SLC30A9: variants seen among roughly 807,000 people sequenced by gnomAD.
SLC30A9 encodes the protein solute carrier family 30 member 9, also known as proton-coupled zinc antiporter SLC30A9, mitochondrial.
A neutral mutation model predicts 87.5 loss-of-function variants in SLC30A9; 58 were observed. The ratio of observed to expected loss-of-function variants is 0.66; its 90% CI spans 0.54 to 0.82. The LOEUF (loss-of-function observed/expected upper bound fraction) is 0.82, where lower values mean the gene tolerates loss of function less well. Ranked by LOEUF, SLC30A9 falls within the 40% of genes least tolerant of loss-of-function variation. The pLI is 0.00. For synonymous variants in SLC30A9, 234 were observed against 233.0 expected (o/e 1.00, Z -0.04); for missense variants, 557 against 679.1 (o/e 0.82, Z 2.00).
chr4:42,021,891 T>A, intron 4 of SLC30A9, among the ~76,000 whole-genome samples: 1 of 32,026 alleles, frequency 3.1e-5, no homozygotes, highest in African/African-American at 4.3e-5. Context: ...ACTGGGACTA[T>A]GGCTGTGCGC....
At chr4:42,062,017 A>G (rs1158905129) in intron 10 of SLC30A9, among the ~76,000 whole-genome samples, 1 of 151,810 alleles carries the variant, frequency 6.6e-6, no homozygotes, top group African/African-American at 2.4e-5. Context: ...CAACGTGGAG[A>G]AGCCCCGTCT....
chr4:42,062,885 A>T, intron 10 of SLC30A9, 101 bp from the exon 11 acceptor site: 1 of 964,080 alleles, frequency 1.0e-6, no homozygotes, highest in Non-Finnish European at 1.5e-6. Context: ...AAATTATAAC[A>T]TCTTGATATT....
chr4:42,002,961 C>T (rs2581452), intron 2 of SLC30A9, among the ~76,000 whole-genome samples: 98,506 of 152,002 alleles, frequency 0.65, 36,050 homozygotes, highest in East Asian at 0.96. Flanking sequence ...GTCAGTTAGA[C>T]ACTTAGTTTA....
chr4:42,014,705 A>G (rs1240768929), intron 2 of SLC30A9, among the ~76,000 whole-genome samples: 1 of 152,244 alleles, frequency 6.6e-6, no homozygotes, highest in Admixed American at 6.5e-5. Flanking sequence ...TATATATACA[A>G]TGGAGTATTA....
intron 6 of SLC30A9, among the ~76,000 whole-genome samples, chr4:42,023,752 T>A (rs576003959): frequency 6.6e-6 from 1 of 152,250 alleles, no homozygotes; most frequent in South Asian, 2.1e-4. Flanking sequence ...CAAGACTGGG[T>A]AGTTTATAAA....
intron 3 of SLC30A9, among the ~76,000 whole-genome samples, chr4:42,020,177 A>G (rs1715887807): frequency 6.6e-6 from 1 of 152,214 alleles, no homozygotes; most frequent in Non-Finnish European, 1.5e-5. Context: ...TGTTCATTAG[A>G]CAAAGGTTGA....
chr4:42,021,917 A>ATTT lies in SLC30A9; in HGVS notation c.435-894_435-892dup, dbSNP rs1180421350. Among the ~76,000 whole-genome samples, 16 of 39,940 alleles carry ATTT rather than the reference A, an allele frequency of 4.0e-4. 2 individuals carry two copies. Among genetic ancestry groups the ATTT allele is most frequent in the African/African-American group, 6.5e-4 (10 of 15,458 alleles). The allele number at this position is 39,940 out of a possible 152,430, so 26.2% of individuals were successfully genotyped here. ...GGCTGTGCGCCACCACGCCTGGCTA[A>ATTT]TTTTTTTTTTTTTTTTTTTTTTTTT... On this transcript the variant is annotated intron_variant, in intron 4 of 17. Transcript: ENST00000264451.
rs111868274 is a variant in SLC30A9, at chr4:42,018,089, C to G, written c.275-22C>G. 2,358 of 1,378,198 alleles carry G rather than the reference C, an allele frequency of 1.7e-3. 36 individuals carry two copies. The African/African-American group carries it at 0.031, about 18-fold the overall frequency. 85.4% of individuals were successfully genotyped at this position (1,378,198 alleles called of 1,614,324 possible). A position where few individuals can be genotyped will look rare whatever the true frequency, so the allele number is the denominator to read the frequency against. On this transcript the variant is annotated intron_variant, in intron 2 of 17. Transcript: ENST00000264451. ...TATGAAAGCAGTTGTTTAATGTAAA[C>G]TTCTTTTAATAAACTTTACAGCAGA...
At chr4:42,010,993 G>A (rs1715417038) in intron 2 of SLC30A9, among the ~76,000 whole-genome samples, 1 of 152,108 alleles carries the variant, frequency 6.6e-6, no homozygotes, top group Non-Finnish European at 1.5e-5. Context: ...CACAGAAGGA[G>A]ACTGAAAATA....
chr4:42,036,264 A>G (rs187369301), intron 7 of SLC30A9, among the ~76,000 whole-genome samples: 1 of 152,024 alleles, frequency 6.6e-6, no homozygotes, highest in East Asian at 1.9e-4. Flanking sequence ...TCATAAAAGT[A>G]CCTCATCTTT....
In SLC30A9 at chr4:42,039,064, A is replaced by G. The variant is rs771588247; in HGVS notation, c.737+11A>G. Reference sequence around the variant, plus strand: ...GGTTGCAATTTGCATGTAAGTACTGAAAAATAAGCTTTGTGAAATAGAATA... The same window carrying G: ...GGTTGCAATTTGCATGTAAGTACTGGAAAATAAGCTTTGTGAAATAGAATA... On this transcript the variant is annotated intron_variant, in intron 8 of 17. Coordinates refer to ENST00000264451, the MANE Select transcript of SLC30A9 (RefSeq NM_006345.4). 3 of 1,584,670 alleles carry G rather than the reference A, an allele frequency of 1.9e-6. No individual in the cohort carries two copies. The highest frequency in any genetic ancestry group is 2.6e-6 in the Non-Finnish European group (3 of 1,153,662).
chr4:42,087,967 G>A lies in SLC30A9; in HGVS notation c.*1841G>A, dbSNP rs1482100272. ...TCCCAAGACGACCCTCAAAGTTAAT[G>A]TGCAGCAGGTATTCCAAATGGTAAT... On this transcript the variant is annotated 3_prime_UTR_variant, in exon 18 of 18. Transcript: ENST00000264451. 6.8e-6 allele frequency: 1 copy of A among 147,830 alleles called. No homozygotes were observed. The highest frequency in any genetic ancestry group is 1.5e-5 in the Non-Finnish European group (1 of 67,424). 9.2% of individuals were successfully genotyped at this position (147,830 alleles called of 1,614,324 possible).
Position 42,060,213 on chromosome 4 carries a change from G to A in SLC30A9, c.863G>A (p.Ser288Asn). The A allele has an allele frequency of 3.1e-6, 5 of 1,612,602 alleles. No individual in the cohort carries two copies. The highest frequency in any genetic ancestry group is 2.2e-5 in the South Asian group (2 of 91,034). Reference protein sequence around the residue: ...CNQGLLALGISKSVQTPDPSH... With the variant: ...CNQGLLALGINKSVQTPDPSH... ...TAGGGTTTACTAGCATTGGGCATCA[G>A]TAAGTCTGTTCAAACACCAGATCCT... The change falls in exon 10 of 18, where the codon AGT (serine) becomes AAT (asparagine). Residue 288 changes from serine (S) to asparagine (N), a missense_variant. Ser to Asn is a conservative substitution (Grantham distance 46). This residue lies in a region of SLC30A9 where 467 missense variants were observed against 529.8 expected (regional missense o/e 0.88). Transcript: ENST00000264451.
At chr4:42,033,477 C>A (rs752221626) in intron 6 of SLC30A9, among the ~76,000 whole-genome samples, 2 of 151,876 alleles carry the variant, frequency 1.3e-5, no homozygotes, top group Non-Finnish European at 2.9e-5. Flanking sequence ...ATTTTCCTTA[C>A]CAAAAATTTA....
intron 10 of SLC30A9, 119 bp from the exon 11 acceptor site, chr4:42,062,867 T>G: frequency 1.2e-6 from 1 of 865,364 alleles, no homozygotes; most frequent in East Asian, 2.7e-5. Context: ...ACATCTTACT[T>G]AAATATAAAA....
intron 1 of SLC30A9, among the ~76,000 whole-genome samples, chr4:41,998,092 G>C (rs556499084): frequency 2.6e-5 from 4 of 152,340 alleles, no homozygotes; most frequent in African/African-American, 9.6e-5. Flanking sequence ...ATGATGGCCA[G>C]ATTTTCTCTG....
chr4:42,018,032 A>G, intron 2 of SLC30A9, 79 bp from the exon 3 acceptor site: 1 of 775,504 alleles, frequency 1.3e-6, no homozygotes, highest in Non-Finnish European at 2.2e-6. Context: ...TTGCTATATT[A>G]CATTGGCTAA....
intron 17 of SLC30A9, among the ~76,000 whole-genome samples, chr4:42,083,677 T>G (rs1577728231): frequency 6.6e-6 from 1 of 151,958 alleles, no homozygotes; most frequent in African/African-American, 2.4e-5. Flanking sequence ...ATGTCAAACT[T>G]AATGAACAGG....
rs202113067 is a variant in SLC30A9 at position 42,026,721 on chromosome 4, TTTTC to T, written c.610+3341_610+3344del. Among the ~76,000 whole-genome samples, 200 of 81,202 alleles carry T rather than the reference TTTTC, an allele frequency of 2.5e-3. 1 individual carries two copies. Among genetic ancestry groups the T allele is most frequent in the East Asian group, 8.7e-3 (4 of 460 alleles). The allele number at this position is 81,202 out of a possible 152,430, so 53.3% of individuals were successfully genotyped here. Reference sequence around the variant, plus strand: ...AAGCCCTAAGTTTGTTCCTTTTTTTTTTTCTTTTCATCTTCTCTTTTGGTTTCTT... The same window carrying T: ...AAGCCCTAAGTTTGTTCCTTTTTTTTTTTTCATCTTCTCTTTTGGTTTCTT... On this transcript the variant is annotated intron_variant, in intron 6 of 17. Coordinates refer to ENST00000264451, the MANE Select transcript of SLC30A9 (RefSeq NM_006345.4).
Sources: allele counts gnomAD v4.1 joint callset (sites outside exome capture counted in the v4.1 genomes callset), GRCh38; gene constraint gnomAD v4.1.1; regional missense constraint gnomAD v4.1.1; transcripts MANE v1.5; gene names NCBI Gene and HGNC (gene_info 2026-07-23, HGNC 2026-07-21).